Variants in SLC16A9 observed in about 807,000 individuals in gnomAD.
SLC16A9 encodes the protein solute carrier family 16 member 9.
In SLC16A9, 26 loss-of-function variants were observed where a neutral mutation model predicts 44.3. The ratio of observed to expected loss-of-function variants is 0.59; its 90% confidence interval spans 0.43 to 0.81. SLC16A9 has a LOEUF of 0.81. Ranked by LOEUF, SLC16A9 falls within the 40% of genes least tolerant of loss-of-function variation. The pLI, the probability that SLC16A9 is intolerant of heterozygous loss-of-function variation, is 0.00. For missense variants in SLC16A9, 559 were observed against 595.8 expected, an observed-to-expected ratio of 0.94 and a Z score of 0.64; for synonymous variants, 230 against 225.1, an observed-to-expected ratio of 1.02 and a Z score of -0.19.
intron 4 of SLC16A9, among the ~76,000 whole-genome samples, chr10:59,657,316 A>T (rs189656947): frequency 6.6e-6 from 1 of 152,322 alleles, no homozygotes; most frequent in East Asian, 1.9e-4. Context: ...ACCCCTGTTC[A>T]CTACAGAGGA....
intron 1 of SLC16A9, among the ~76,000 whole-genome samples, chr10:59,693,158 A>G (rs939262218): frequency 5.3e-5 from 8 of 152,232 alleles, no homozygotes; most frequent in Non-Finnish European, 1.2e-4. Context: ...CAGTGTCAAC[A>G]CACTTATAAC....
intron 2 of SLC16A9, among the ~76,000 whole-genome samples, chr10:59,680,450 C>G (rs865793742): frequency 6.6e-6 from 1 of 152,216 alleles, no homozygotes; most frequent in Non-Finnish European, 1.5e-5. Context: ...CTGTCTTCAT[C>G]TTTCATCCTG....
intron 2 of SLC16A9, among the ~76,000 whole-genome samples, chr10:59,675,033 C>A (rs1045896399): frequency 6.6e-6 from 1 of 152,116 alleles, no homozygotes. Flanking sequence ...AACAGAAATT[C>A]TCTTACAGTG....
At chr10:59,690,332 G>T (rs1247091831) in intron 1 of SLC16A9, among the ~76,000 whole-genome samples, 2 of 152,208 alleles carry the variant, frequency 1.3e-5, no homozygotes, top group Non-Finnish European at 2.9e-5. Context: ...AACTCACTTA[G>T]GAAGGTAAGA....
chr10:59,654,390 G>C lies in SLC16A9; in HGVS notation c.636C>G (p.Ser212=), dbSNP rs775414333. ...IAPEDLPDKY[S]IYNEKGKNLE... is the part of the protein sequence containing the mutation. ...GATTCTTTCCTTTTTCATTGTAAAT[G>C]GAGTATTTATCTGGTAGATCTTCTG... is the stretch of plus-strand genomic sequence containing the variant. Residue 212 remains serine (S), a synonymous_variant, in exon 5 of 6, where the codon TCC becomes TCG. Coordinates refer to ENST00000395348, the MANE Select transcript of SLC16A9 (RefSeq NM_194298.3). The C allele has an allele frequency of 6.2e-7, 1 of 1,613,768 alleles. No homozygotes were observed. The highest frequency in any genetic ancestry group is 8.5e-7 in the Non-Finnish European group (1 of 1,180,012).
intron 2 of SLC16A9, among the ~76,000 whole-genome samples, chr10:59,674,045 C>A (rs1049849539): frequency 6.6e-6 from 1 of 152,074 alleles, no homozygotes; most frequent in Admixed American, 6.5e-5. Flanking sequence ...ATCAGAAGAG[C>A]GCAAAGCCAA....
intron 1 of SLC16A9, among the ~76,000 whole-genome samples, chr10:59,697,071 C>T (rs1221392778): frequency 1.0e-5 from 1 of 99,956 alleles, no homozygotes; most frequent in East Asian, 5.3e-4. Flanking sequence ...GTGAGGAGCC[C>T]CTCTGCCCCG....
intron 4 of SLC16A9, among the ~76,000 whole-genome samples, chr10:59,660,840 TG>T (rs1167119102): frequency 6.6e-6 from 1 of 152,238 alleles, no homozygotes; most frequent in Non-Finnish European, 1.5e-5. Flanking sequence ...GATGCAAGGC[TG>T]GTTCAACATA....
At chr10:59,690,659 A>G (rs1840232888) in intron 1 of SLC16A9, among the ~76,000 whole-genome samples, 1 of 152,206 alleles carries the variant, frequency 6.6e-6, no homozygotes, top group Admixed American at 6.5e-5. Context: ...AAGATTAGAA[A>G]AATGGTACTC....
At chr10:59,664,120 G>T in intron 4 of SLC16A9, 107 bp downstream of exon 4, 1 of 506,440 alleles carries the variant, frequency 2.0e-6, no homozygotes, top group Non-Finnish European at 3.3e-6. Context: ...TTTGCTACCT[G>T]ATTGGTAGCT....
chr10:59,694,226 A>G (rs1382726237), intron 1 of SLC16A9, among the ~76,000 whole-genome samples: 1 of 152,202 alleles, frequency 6.6e-6, no homozygotes. Flanking sequence ...GGCGTGAGCC[A>G]CCACGCCTGG....
Position 59,669,051 on chromosome 10 carries a change from G to A in SLC16A9, c.340+3719C>T, listed in dbSNP as rs143066963. Among the ~76,000 whole-genome samples the A allele has an allele frequency of 6.1e-4, 93 of 152,256 alleles. No homozygotes were observed. The East Asian group carries it at 0.016, about 26-fold the overall frequency. The stretch of plus-strand genomic sequence containing the variant: ...CAAAGAAAGGGCAGTGGTGGGAGGT[G>A]AGGGGAAGAAAATGGAATTCTTCCA... On this transcript the variant is annotated intron_variant, in intron 3 of 5. Transcript: ENST00000395348.
At position 59,652,644 on chromosome 10, in the gene SLC16A9, A is replaced by C. The variant is rs1011442831; in HGVS notation, c.*128T>G. On this transcript the variant is annotated 3_prime_UTR_variant, in exon 6 of 6. Transcript: ENST00000395348. ...ATATATAAAAAAAAATAATTCATTC[A>C]GAGTCAGTCATTGTGAAATTTTGCT... The C allele has an allele frequency of 6.6e-6, 5 of 761,952 alleles. No homozygotes were observed. The highest frequency in any genetic ancestry group is 1.0e-5 in the Non-Finnish European group (5 of 486,904). The allele number at this position is 761,952 out of a possible 1,614,324, so 47.2% of individuals were successfully genotyped here.
chr10:59,689,911 T>C lies in SLC16A9; in HGVS notation c.-36-5584A>G, dbSNP rs116009661. Among the ~76,000 whole-genome samples the C allele has an allele frequency of 4.1e-3, 624 of 152,354 alleles. 5 individuals are homozygous for C. The highest frequency in any genetic ancestry group is 0.014 in the African/African-American group (584 of 41,584). Reference sequence around the variant, plus strand: ...ATCCTCCCTTCTTCATATCTTATGATCTAATATGATACATTCCCTTATTTG... The same window carrying C: ...ATCCTCCCTTCTTCATATCTTATGACCTAATATGATACATTCCCTTATTTG... On this transcript the variant is annotated intron_variant, in intron 1 of 5. Coordinates refer to ENST00000395348, the MANE Select transcript of SLC16A9 (RefSeq NM_194298.3).
rs184329505 is a variant in SLC16A9 at position 59,683,988 on chromosome 10, T to C, written c.196+108A>G. ...ATTGCAATGAAGGCAGGAAAAGATA[T>C]GTTATACTTTGAAAAGAAAGCCCTC... is the stretch of plus-strand genomic sequence containing the variant. On this transcript the variant is annotated intron_variant, in intron 2 of 5. Transcript: ENST00000395348. 1.7e-5 allele frequency: 14 copies of C among 835,008 alleles called. No individual in the cohort carries two copies. In the East Asian group the frequency reaches 2.9e-4, roughly 17 times the overall value. 51.7% of individuals were successfully genotyped at this position (835,008 alleles called of 1,614,324 possible).
At chr10:59,675,910 A>C (rs1359767975) in intron 2 of SLC16A9, among the ~76,000 whole-genome samples, 1 of 152,190 alleles carries the variant, frequency 6.6e-6, no homozygotes, top group Non-Finnish European at 1.5e-5. Flanking sequence ...TCCAAGTGTA[A>C]ATACTTCCTT....
chr10:59,696,382 AG>A (rs531579796), intron 1 of SLC16A9, among the ~76,000 whole-genome samples: 201 of 152,354 alleles, frequency 1.3e-3, no homozygotes, highest in African/African-American at 4.7e-3. Context: ...CCGGGATGGC[AG>A]ACGGAGTTGC....
At chr10:59,700,612 C>T (rs985431032) in intron 1 of SLC16A9, among the ~76,000 whole-genome samples, 4 of 152,174 alleles carry the variant, frequency 2.6e-5, no homozygotes. Flanking sequence ...CACGGAGCTT[C>T]GCATAAAGTA....
At chr10:59,709,984 A>G (rs1184117795), upstream of SLC16A9, 1 of 149,480 alleles carries the variant, frequency 6.7e-6, no homozygotes, top group Non-Finnish European at 1.5e-5. Flanking sequence ...TAGGGAGGGC[A>G]CTGCCCGAGC....
Sources: gnomAD v4.1 joint callset for allele counts (sites outside exome capture counted in the v4.1 genomes callset) on GRCh38, gnomAD v4.1.1 for gene constraint, MANE v1.5 for transcripts, NCBI Gene and HGNC (gene_info 2026-07-23, HGNC 2026-07-21) for gene names.